The following ZNF804B variants were observed in gnomAD, a reference collection of about 807,000 sequenced individuals.
The protein encoded by ZNF804B is zinc finger 804B.
Under a neutral mutation model 101.4 loss-of-function variants are expected in ZNF804B, and 80 were observed. The observed-to-expected ratio is 0.79, with a 90% CI of 0.66 to 0.95. ZNF804B has a LOEUF of 0.95. ZNF804B is among the 40% of genes least tolerant of loss of function. The pLI is 0.00. For synonymous variants in ZNF804B, 622 were observed against 558.8 expected (o/e 1.11, Z -1.59); for missense variants, 1,673 against 1,561.9 (o/e 1.07, Z -1.20).
chr7:89,147,886 A>G (rs554032986), intron 1 of ZNF804B, among the ~76,000 whole-genome samples: 1 of 151,804 alleles, frequency 6.6e-6, no homozygotes, highest in African/African-American at 2.4e-5. Flanking sequence ...CAGGGCTCCC[A>G]CCAATTCTAC....
At chr7:89,272,811 A>G (rs570937600) in intron 2 of ZNF804B, among the ~76,000 whole-genome samples, 1 of 152,220 alleles carries the variant, frequency 6.6e-6, no homozygotes, top group African/African-American at 2.4e-5. Context: ...GATCAGGAAA[A>G]CAAAACAAGC....
chr7:88,947,686 A>G (rs1266710476), intron 1 of ZNF804B, among the ~76,000 whole-genome samples: 1 of 151,904 alleles, frequency 6.6e-6, no homozygotes, highest in Non-Finnish European at 1.5e-5. Context: ...AGAAAAAAAA[A>G]CTTAAAAGAA....
At chr7:89,103,665 T>C (rs937997841) in intron 1 of ZNF804B, among the ~76,000 whole-genome samples, 2 of 152,036 alleles carry the variant, frequency 1.3e-5, no homozygotes, top group Admixed American at 6.6e-5. Context: ...TATATAATTA[T>C]GTTATTAGTG....
At chr7:89,313,072 T>C (rs969472764) in intron 2 of ZNF804B, among the ~76,000 whole-genome samples, 1 of 152,188 alleles carries the variant, frequency 6.6e-6, no homozygotes, top group Non-Finnish European at 1.5e-5. Flanking sequence ...CAGGCTGGAC[T>C]TTTGAATCCA....
chr7:89,129,598 A>G (rs1018611705), intron 1 of ZNF804B, among the ~76,000 whole-genome samples: 1 of 152,030 alleles, frequency 6.6e-6, no homozygotes, highest in Non-Finnish European at 1.5e-5. Context: ...TTCAGTGCTC[A>G]TTACATGCCA....
chr7:88,841,554 CTT>C (rs1791292360), intron 1 of ZNF804B, among the ~76,000 whole-genome samples: 1 of 152,152 alleles, frequency 6.6e-6, no homozygotes, highest in Non-Finnish European at 1.5e-5. Flanking sequence ...TTCCTAGACT[CTT>C]TGTAGCTCTT....
In ZNF804B at chr7:88,989,091, C is replaced by T. The variant is rs550439693; in HGVS notation, c.108+229007C>T. Among the ~76,000 whole-genome samples, 20 of 152,024 alleles carry T rather than the reference C, an allele frequency of 1.3e-4. No individual in the cohort carries two copies. The South Asian group carries it at 3.9e-3, about 30-fold the overall frequency. ...ATGCTGGAGTGCAGTGGCATGATCT[C>T]GGCTCACTGCAACCTCTGCCTCCCG... On this transcript the variant is annotated intron_variant, in intron 1 of 3. Transcript: ENST00000333190.
chr7:89,199,892 A>G (rs150072316), intron 1 of ZNF804B, among the ~76,000 whole-genome samples: 1,955 of 148,370 alleles, frequency 0.013, 47 homozygotes, highest in East Asian at 0.093. Flanking sequence ...TATATAATAT[A>G]TGTATAATAT....
chr7:88,946,911 A>G (rs549656521), intron 1 of ZNF804B, among the ~76,000 whole-genome samples: 2 of 152,162 alleles, frequency 1.3e-5, no homozygotes, highest in South Asian at 4.1e-4. Flanking sequence ...ACATACGAAA[A>G]AAAAGCTCAT....
intron 1 of ZNF804B, among the ~76,000 whole-genome samples, chr7:88,996,112 A>G (rs2116162829): frequency 6.6e-6 from 1 of 152,200 alleles, no homozygotes; most frequent in East Asian, 1.9e-4. Flanking sequence ...GGACTTCAGT[A>G]GATAATTTGT....
At chr7:89,220,796 T>C (rs1425171581) in intron 2 of ZNF804B, among the ~76,000 whole-genome samples, 1 of 151,996 alleles carries the variant, frequency 6.6e-6, no homozygotes, top group Non-Finnish European at 1.5e-5. Flanking sequence ...GGTTGGCATG[T>C]CTTGAAGTTT....
At chr7:89,214,721 T>C (rs923980516) in intron 1 of ZNF804B, among the ~76,000 whole-genome samples, 1 of 152,212 alleles carries the variant, frequency 6.6e-6, no homozygotes, top group Non-Finnish European at 1.5e-5. Flanking sequence ...TCACAACTTA[T>C]AGTTTTTACC....
At chr7:89,246,824 T>C (rs997815107) in intron 2 of ZNF804B, among the ~76,000 whole-genome samples, 6 of 152,114 alleles carry the variant, frequency 3.9e-5, no homozygotes, top group African/African-American at 1.2e-4. Context: ...TCTCCAGATA[T>C]TAAAAGCATA....
chr7:88,775,043 A>G (rs1790120920), intron 1 of ZNF804B, among the ~76,000 whole-genome samples: 1 of 152,218 alleles, frequency 6.6e-6, no homozygotes. Context: ...AGTCAACACA[A>G]CAGACATGCT....
chr7:89,098,279 T>A (rs1789998304), intron 1 of ZNF804B, among the ~76,000 whole-genome samples: 1 of 151,874 alleles, frequency 6.6e-6, no homozygotes, highest in South Asian at 2.1e-4. Context: ...ATAATTTTTT[T>A]TTTTTTTTTT....
intron 1 of ZNF804B, among the ~76,000 whole-genome samples, chr7:89,121,841 C>T (rs913870217): frequency 2.0e-5 from 3 of 151,978 alleles, no homozygotes; most frequent in Admixed American, 6.6e-5. Context: ...CAGAAAAAAT[C>T]GGGACAAAAT....
chr7:89,170,046 A>G (rs1791201128), intron 1 of ZNF804B, among the ~76,000 whole-genome samples: 1 of 152,218 alleles, frequency 6.6e-6, no homozygotes, highest in African/African-American at 2.4e-5. Flanking sequence ...ATATACTTCA[A>G]CATTCTGTTT....
At chr7:89,178,606 CTTA>C (rs1176477142) in intron 1 of ZNF804B, among the ~76,000 whole-genome samples, 1 of 151,960 alleles carries the variant, frequency 6.6e-6, no homozygotes, top group Non-Finnish European at 1.5e-5. Context: ...CTTTTTGTGT[CTTA>C]TTATACTGTT....
At chr7:89,155,051 TA>T in intron 1 of ZNF804B, among the ~76,000 whole-genome samples, 1 of 152,248 alleles carries the variant, frequency 6.6e-6, no homozygotes. Flanking sequence ...AATTAAAAAT[TA>T]AAAAATATTC....
Sources: allele counts gnomAD v4.1 joint callset (sites outside exome capture counted in the v4.1 genomes callset), GRCh38; gene constraint gnomAD v4.1.1; transcripts MANE v1.5; gene names NCBI Gene and HGNC (gene_info 2026-07-23, HGNC 2026-07-21).